IL10RB: variants seen among roughly 807,000 people sequenced by gnomAD.
IL10RB encodes the protein interleukin 10 receptor subunit beta, also known as interleukin-10 receptor subunit beta.
In IL10RB, 30 loss-of-function variants were observed where a neutral mutation model predicts 38.7. That is an observed-to-expected ratio of 0.78 (90% CI 0.58 to 1.05). IL10RB has a LOEUF of 1.05. Ranked by LOEUF, IL10RB falls within the 50% of genes least tolerant of loss-of-function variation. The pLI, the probability that IL10RB is intolerant of heterozygous loss-of-function variation, is 0.00. For missense variants in IL10RB, 328 were observed against 397.1 expected (o/e 0.83, Z 1.48); for synonymous variants, 142 against 145.9 (o/e 0.97, Z 0.19).
intron 4 of IL10RB, 119 bp downstream of exon 4, chr21:33,280,037 G>T (rs1732256559): frequency 1.0e-5 from 9 of 879,230 alleles, no homozygotes; most frequent in Non-Finnish European, 1.7e-5. Flanking sequence ...CCAGACTGAG[G>T]GGTTACTGGT....
downstream of IL10RB, among the ~76,000 whole-genome samples, chr21:33,300,799 C>T (rs1013253442): frequency 6.6e-6 from 1 of 152,084 alleles, no homozygotes; most frequent in African/African-American, 2.4e-5. Flanking sequence ...CTGCTGATGC[C>T]GTTCTCAGAG....
intron 5 of IL10RB, among the ~76,000 whole-genome samples, chr21:33,287,158 C>T (rs1989389860): frequency 6.6e-6 from 1 of 152,174 alleles, no homozygotes; most frequent in African/African-American, 2.4e-5. Flanking sequence ...GAAGGATTCA[C>T]CACTATAAGC....
chr21:33,288,493 T>C (rs1449536241), intron 6 of IL10RB, among the ~76,000 whole-genome samples: 1 of 152,016 alleles, frequency 6.6e-6, no homozygotes, highest in Admixed American at 6.6e-5. Context: ...GGTTGTCCAG[T>C]ATCCCTCTCT....
At chr21:33,304,516 CT>C (rs1258676776) in intron 1 of IL10RB, among the ~76,000 whole-genome samples, 1 of 152,190 alleles carries the variant, frequency 6.6e-6, no homozygotes, top group Admixed American at 6.5e-5. Flanking sequence ...TCTTTTTCTT[CT>C]GGTTCTTTCT....
intron 5 of IL10RB, among the ~76,000 whole-genome samples, chr21:33,286,105 G>A (rs983001816): frequency 1.3e-5 from 2 of 152,134 alleles, no homozygotes; most frequent in African/African-American, 2.4e-5. Flanking sequence ...GGTTGGGGGC[G>A]GCACAAGTGC....
intron 5 of IL10RB, among the ~76,000 whole-genome samples, chr21:33,287,418 C>T (rs1979115357): frequency 6.6e-6 from 1 of 151,948 alleles, no homozygotes; most frequent in Non-Finnish European, 1.5e-5. Context: ...TGCAGTGGTA[C>T]AATCATAGCT....
At chr21:33,266,593 C>A in intron 1 of IL10RB, 79 bp downstream of exon 1, 2 of 1,436,604 alleles carry the variant, frequency 1.4e-6, no homozygotes, top group South Asian at 1.2e-5. Flanking sequence ...CATCCCTGGG[C>A]GCCCTGCAAG....
At chr21:33,294,371 G>T (rs887559087) in intron 6 of IL10RB, among the ~76,000 whole-genome samples, 11 of 113,820 alleles carry the variant, frequency 9.7e-5, no homozygotes, top group African/African-American at 4.9e-4. Context: ...CCACCAGTTT[G>T]TGTGTGTGTG....
chr21:33,292,893 C>T (rs1989517477), intron 6 of IL10RB, among the ~76,000 whole-genome samples: 1 of 152,228 alleles, frequency 6.6e-6, no homozygotes, highest in Non-Finnish European at 1.5e-5. Flanking sequence ...CCCATACCTT[C>T]TGCAGGGCCC....
intron 4 of IL10RB, among the ~76,000 whole-genome samples, chr21:33,282,599 T>C (rs987594230): frequency 6.6e-6 from 1 of 152,196 alleles, no homozygotes; most frequent in African/African-American, 2.4e-5. Flanking sequence ...TCTTTATTTC[T>C]GAGACAAAGT....
chr21:33,308,853 G>C (rs1212381636), intron 1 of IL10RB: 1 of 152,186 alleles, frequency 6.6e-6, no homozygotes, highest in African/African-American at 2.4e-5. Flanking sequence ...TGTTATAACA[G>C]GTCCTTGGGT....
At chr21:33,303,820 G>A (rs1479205877) in intron 1 of IL10RB, among the ~76,000 whole-genome samples, 4 of 152,212 alleles carry the variant, frequency 2.6e-5, no homozygotes, top group Non-Finnish European at 5.9e-5. Flanking sequence ...GGATACTCCC[G>A]AGGTTGTCAC....
At chr21:33,303,372 T>TTTTG (rs2082990839) in intron 1 of IL10RB, among the ~76,000 whole-genome samples, 1 of 104,356 alleles carries the variant, frequency 9.6e-6, no homozygotes, top group Non-Finnish European at 1.9e-5. Flanking sequence ...TTTTTTTTTT[T>TTTTG]GAGACAGAGT....
chr21:33,283,971 C>T (rs1989326179), intron 5 of IL10RB, among the ~76,000 whole-genome samples: 1 of 152,150 alleles, frequency 6.6e-6, no homozygotes, highest in Non-Finnish European at 1.5e-5. Context: ...AAGGATGAAA[C>T]ATGGCATGCG....
At chr21:33,267,511 TTTTTTTG>T in intron 1 of IL10RB, among the ~76,000 whole-genome samples, 3 of 76,872 alleles carry the variant, frequency 3.9e-5, no homozygotes, top group Admixed American at 1.2e-4. Flanking sequence ...TGTTTTTTTG[TTTTTTTG>T]TTTTTTTTTG....
chr21:33,302,375 G>T (rs530837225), intron 1 of IL10RB, among the ~76,000 whole-genome samples: 52 of 152,338 alleles, frequency 3.4e-4, no homozygotes, highest in Admixed American at 1.1e-3. Context: ...TGCTCCATGC[G>T]GGAGTGCCAA....
chr21:33,288,265 G>A lies in IL10RB; in HGVS notation c.804+4G>A, dbSNP rs375827377. The A allele has an allele frequency of 1.9e-5, 30 of 1,613,374 alleles. No individual in the cohort carries two copies. Among genetic ancestry groups the A allele is most frequent in the Non-Finnish European group, 2.5e-5 (30 of 1,179,368 alleles). On this transcript the variant is annotated splice_donor_region_variant and intron_variant, in intron 6 of 6. Coordinates refer to ENST00000290200, the MANE Select transcript of IL10RB (RefSeq NM_000628.5). ...TCTTCCACAGCACCTGAAAGAGGTA[G>A]GTAGGATGGAGTGAGATGTGGATTT... is the stretch of plus-strand genomic sequence containing the variant.
rs190944907 is a variant in IL10RB, at chr21:33,305,850, G to T, written c.130-3126G>T. Among the ~76,000 whole-genome samples the T allele has an allele frequency of 5.1e-3, 772 of 152,026 alleles. 6 individuals are homozygous for T. Among genetic ancestry groups the T allele is most frequent in the African/African-American group, 0.018 (735 of 41,452 alleles). On this transcript the variant is annotated intron_variant, in intron 1 of 1. Coordinates refer to the IL10RB transcript ENST00000609556. Reference sequence around the variant, plus strand: ...TTTTTTTAATTTTTAATATTTTTTTGAGATGGAGTCTTGCTCTGTTGCTCA... The same window carrying T: ...TTTTTTTAATTTTTAATATTTTTTTTAGATGGAGTCTTGCTCTGTTGCTCA...
intron 5 of IL10RB, among the ~76,000 whole-genome samples, chr21:33,287,362 GT>G (rs1443371777): frequency 1.1e-4 from 17 of 150,388 alleles, no homozygotes; most frequent in African/African-American, 4.2e-4. Context: ...TTTGGCTTTG[GT>G]TTTGGTTTTT....
Sources: allele counts gnomAD v4.1 joint callset (sites outside exome capture counted in the v4.1 genomes callset), GRCh38; gene constraint gnomAD v4.1.1; transcripts MANE v1.5; gene names NCBI Gene and HGNC (gene_info 2026-07-23, HGNC 2026-07-21).